The following LANCL2 variants were observed in gnomAD, a reference collection of about 807,000 sequenced individuals.
The protein encoded by LANCL2 is LanC like glutathione S-transferase 2, also known as lanC-like protein 2.
A neutral mutation model predicts 56.9 loss-of-function variants in LANCL2; 33 were observed. The ratio of observed to expected loss-of-function variants is 0.58; its 90% CI spans 0.44 to 0.78. The LOEUF is 0.78. Among genes scored for constraint, LANCL2 ranks in the 30% least tolerant of loss-of-function variants. The pLI is 0.00. For synonymous variants in LANCL2, 233 were observed against 228.2 expected (o/e 1.02, Z -0.19); for missense variants, 562 against 580.2 (o/e 0.97, Z 0.32).
intron 6 of LANCL2, among the ~76,000 whole-genome samples, chr7:55,424,900 G>A (rs1583767118): frequency 1.3e-5 from 2 of 152,328 alleles, no homozygotes; most frequent in South Asian, 2.1e-4. Flanking sequence ...GCTTATGCGA[G>A]GGATCTAGGT....
At chr7:55,417,415 C>T (rs1467943949) in intron 6 of LANCL2, among the ~76,000 whole-genome samples, 2 of 152,110 alleles carry the variant, frequency 1.3e-5, no homozygotes, top group African/African-American at 4.8e-5. Flanking sequence ...GGGTCTGTTT[C>T]TGGACTCTAT....
At chr7:55,414,966 A>G (rs1187788412) in intron 6 of LANCL2, among the ~76,000 whole-genome samples, 1 of 144,556 alleles carries the variant, frequency 6.9e-6, no homozygotes, top group East Asian at 2.0e-4. Context: ...CCTGGGTGAC[A>G]CAGCAAGACC....
intron 1 of LANCL2, among the ~76,000 whole-genome samples, chr7:55,367,678 T>C (rs1429957880): frequency 6.6e-6 from 1 of 152,158 alleles, no homozygotes; most frequent in African/African-American, 2.4e-5. Context: ...TGAGTGGAGA[T>C]TGCGCCATTG....
chr7:55,393,206 T>G (rs1174027724), intron 2 of LANCL2, among the ~76,000 whole-genome samples: 1 of 152,100 alleles, frequency 6.6e-6, no homozygotes, highest in East Asian at 1.9e-4. Context: ...AGATTTAGAG[T>G]GATTTCTTGC....
chr7:55,379,308 C>T (rs146006087), intron 1 of LANCL2, among the ~76,000 whole-genome samples: 1,818 of 152,236 alleles, frequency 0.012, 37 homozygotes, highest in African/African-American at 0.04. Context: ...AATCAGCAGG[C>T]AGAAGGGGAG....
chr7:55,382,268 A>T (rs1381555952), intron 1 of LANCL2, among the ~76,000 whole-genome samples: 1 of 152,204 alleles, frequency 6.6e-6, no homozygotes, highest in African/African-American at 2.4e-5. Flanking sequence ...TTCATGAAAA[A>T]TGAGGAAATC....
intron 1 of LANCL2, among the ~76,000 whole-genome samples, chr7:55,388,789 G>A (rs916816814): frequency 6.6e-6 from 1 of 152,186 alleles, no homozygotes; most frequent in Non-Finnish European, 1.5e-5. Flanking sequence ...GGCTTTCAGG[G>A]GTTGGGATTC....
chr7:55,387,214 A>T (rs986262967), intron 1 of LANCL2, among the ~76,000 whole-genome samples: 2 of 152,216 alleles, frequency 1.3e-5, no homozygotes, highest in Non-Finnish European at 2.9e-5. Context: ...TGAGTATAGC[A>T]GGGGAACACA....
At chr7:55,400,263 T>C (rs1790305936) in intron 4 of LANCL2, among the ~76,000 whole-genome samples, 159 bp downstream of exon 4, 1 of 152,148 alleles carries the variant, frequency 6.6e-6, no homozygotes, top group African/African-American at 2.4e-5. Context: ...TCTAGGAACA[T>C]TAACAAAAAA....
rs755760534 is a variant in LANCL2, at chr7:55,391,882, T to C, written c.294T>C (p.His98=). ...AAGGGCTGAAGACAGCTGATCCCCA[T>C]GACTGCTCTGCTTATACTGGCTGGA... The part of the protein sequence containing the change: ...MEEGLKTADP[H]DCSAYTGWTG... The change falls in exon 2 of 9, where the codon CAT becomes CAC. Residue 98 remains histidine (H), a synonymous_variant. Coordinates refer to ENST00000254770, the MANE Select transcript of LANCL2 (RefSeq NM_018697.4). The C allele has an allele frequency of 1.2e-6, 2 of 1,606,982 alleles. No individual in the cohort carries two copies. Among genetic ancestry groups the C allele is most frequent in the Admixed American group, 1.7e-5 (1 of 59,998 alleles).
chr7:55,366,515 C>G (rs989563193), intron 1 of LANCL2, among the ~76,000 whole-genome samples: 1 of 152,200 alleles, frequency 6.6e-6, no homozygotes, highest in Admixed American at 6.5e-5. Context: ...CTTCGCAATG[C>G]GGGCTTGTGC....
In LANCL2 at chr7:55,432,930, ACAC is replaced by A. The variant is rs1790747166; in HGVS notation, c.*1612_*1614del. The A allele has an allele frequency of 6.6e-6, 1 of 152,250 alleles. No individual in the cohort carries two copies. The highest frequency in any genetic ancestry group is 1.5e-5 in the Non-Finnish European group (1 of 68,054). 9.4% of individuals were successfully genotyped at this position (152,250 alleles called of 1,614,324 possible). ...GGCTTTGCAGGCAGTCCAGCAGCCC[ACAC>A]CTGCAGGCAGGATGCTGTCGTCAAT... is the stretch of plus-strand genomic sequence containing the variant. On this transcript the variant is annotated 3_prime_UTR_variant, in exon 9 of 9. Transcript: ENST00000254770.
intron 5 of LANCL2, among the ~76,000 whole-genome samples, chr7:55,407,783 C>G (rs1215920057): frequency 1.3e-5 from 2 of 152,266 alleles, no homozygotes. Context: ...GAAGCCTCTG[C>G]AGCCAGTTCC....
chr7:55,389,594 A>C (rs956940464), intron 1 of LANCL2, among the ~76,000 whole-genome samples: 1 of 152,212 alleles, frequency 6.6e-6, no homozygotes, highest in Non-Finnish European at 1.5e-5. Flanking sequence ...TCCAGAGTGT[A>C]GCAAAAGGTT....
At chr7:55,393,704 CTTA>C (rs1012516335) in intron 2 of LANCL2, among the ~76,000 whole-genome samples, 7 of 152,078 alleles carry the variant, frequency 4.6e-5, no homozygotes, top group African/African-American at 1.7e-4. Context: ...TTTTGTGATG[CTTA>C]TTATTTGCCT....
chr7:55,424,687 A>G (rs971087457), intron 6 of LANCL2, among the ~76,000 whole-genome samples: 1 of 152,224 alleles, frequency 6.6e-6, no homozygotes, highest in African/African-American at 2.4e-5. Flanking sequence ...AGGGGTCCCC[A>G]GCCCCCAGGC....
rs1388129435 is a variant in LANCL2, at chr7:55,365,904, C to T, written c.-122C>T. On this transcript the variant is annotated 5_prime_UTR_variant, in exon 1 of 9. Coordinates refer to ENST00000254770, the MANE Select transcript of LANCL2 (RefSeq NM_018697.4). ...AGACGCCCCGCTCCTCCCGCCAGCG[C>T]GCGGCCTCGCTCCTCCTAGAGGACG... 5.7e-6 allele frequency: 4 copies of T among 699,570 alleles called. No homozygotes were observed. Among genetic ancestry groups the T allele is most frequent in the African/African-American group, 1.9e-5 (1 of 52,716 alleles). 43.3% of individuals were successfully genotyped at this position (699,570 alleles called of 1,614,324 possible).
At chr7:55,393,100 T>G (rs1252006301) in intron 2 of LANCL2, among the ~76,000 whole-genome samples, 1 of 152,222 alleles carries the variant, frequency 6.6e-6, no homozygotes, top group East Asian at 1.9e-4. Context: ...ATTCAGAACA[T>G]TCTAATAATT....
In LANCL2 at chr7:55,365,954, G is replaced by GGCGGCGGCGGGGCGAGCT. The variant is rs980018391; in HGVS notation, c.-69_-52dup. On this transcript the variant is annotated 5_prime_UTR_variant, in exon 1 of 9. Coordinates refer to ENST00000254770, the MANE Select transcript of LANCL2 (RefSeq NM_018697.4). Reference sequence around the variant, plus strand: ...GCTCTCTGCGCGGGCCCTCGGAGGAGGCGGCGGCGGGGCGAGCTGCAGCGC... The same window carrying GGCGGCGGCGGGGCGAGCT: ...GCTCTCTGCGCGGGCCCTCGGAGGAGGCGGCGGCGGGGCGAGCTGCGGCGGCGGGGCGAGCTGCAGCGC... The GGCGGCGGCGGGGCGAGCT allele has an allele frequency of 1.6e-5, 19 of 1,224,364 alleles. No homozygotes were observed. Among genetic ancestry groups the GGCGGCGGCGGGGCGAGCT allele is most frequent in the Non-Finnish European group, 2.1e-5 (19 of 924,114 alleles). 75.8% of individuals were successfully genotyped at this position (1,224,364 alleles called of 1,614,324 possible).
Sources: gnomAD v4.1 joint callset for allele counts (sites outside exome capture counted in the v4.1 genomes callset) on GRCh38, gnomAD v4.1.1 for gene constraint, MANE v1.5 for transcripts, NCBI Gene and HGNC (gene_info 2026-07-23, HGNC 2026-07-21) for gene names.